The following AGBL4 variants were observed in gnomAD, a reference collection of about 807,000 sequenced individuals.
The protein encoded by AGBL4 is cytosolic carboxypeptidase 6.
Under a neutral mutation model 66.4 loss-of-function variants are expected in AGBL4, and 58 were observed. The ratio of observed to expected loss-of-function variants is 0.87; its 90% CI spans 0.71 to 1.09. The LOEUF is 1.09. Ranked by LOEUF, AGBL4 falls within the 50% of genes least tolerant of loss-of-function variation. The pLI, the probability that AGBL4 is intolerant of heterozygous loss-of-function variation, is 0.00. For missense variants in AGBL4, 579 were observed against 631.0 expected (o/e 0.92, Z 0.88); for synonymous variants, 234 against 222.9 (o/e 1.05, Z -0.44).
chr1:49,383,527 CA>C (rs1480380212), intron 3 of AGBL4, among the ~76,000 whole-genome samples: 1 of 152,006 alleles, frequency 6.6e-6, no homozygotes, highest in African/African-American at 2.4e-5. Context: ...ACATGAGTGT[CA>C]AGGCTGCACA....
chr1:48,785,725 C>T (rs114859124), intron 6 of AGBL4, among the ~76,000 whole-genome samples: 3,475 of 152,208 alleles, frequency 0.023, 69 homozygotes, highest in South Asian at 0.04. Flanking sequence ...CTGGGCCTTC[C>T]GGGAAACAAG....
At chr1:49,125,650 A>C (rs1297249992) in intron 4 of AGBL4, among the ~76,000 whole-genome samples, 1 of 152,206 alleles carries the variant, frequency 6.6e-6, no homozygotes, top group African/African-American at 2.4e-5. Context: ...CTGATTGTAC[A>C]TTATAGATTA....
At position 48,837,672 on chromosome 1, in the gene AGBL4, A is replaced by ACACACACACACACG. The variant is rs1313861474; in HGVS notation, c.634+29518_634+29519insCGTGTGTGTGTGTG. Among the ~76,000 whole-genome samples, 186 of 139,170 alleles carry ACACACACACACACG rather than the reference A, an allele frequency of 1.3e-3. 2 individuals are homozygous for ACACACACACACACG. Among genetic ancestry groups the ACACACACACACACG allele is most frequent in the African/African-American group, 4.7e-3 (178 of 37,764 alleles). 91.3% of individuals were successfully genotyped at this position (139,170 alleles called of 152,430 possible). On this transcript the variant is annotated intron_variant, in intron 6 of 13. Coordinates refer to ENST00000371839, the MANE Select transcript of AGBL4 (RefSeq NM_032785.4). ...TTAATATTACTTAATGAACACACAC[A>ACACACACACACACG]CACACACACACACACGCACACACAC...
chr1:49,506,545 C>G (rs1340131611), intron 3 of AGBL4, among the ~76,000 whole-genome samples: 1 of 151,930 alleles, frequency 6.6e-6, no homozygotes, highest in African/African-American at 2.4e-5. Flanking sequence ...TGAATATGCT[C>G]TTTTTGCCTA....
chr1:49,734,666 G>A (rs2124724789), intron 2 of AGBL4, among the ~76,000 whole-genome samples: 1 of 152,168 alleles, frequency 6.6e-6, no homozygotes, highest in South Asian at 2.1e-4. Context: ...TGAAGAACCA[G>A]TATAGTCTCA....
intron 5 of AGBL4, among the ~76,000 whole-genome samples, chr1:48,897,527 T>C (rs866953453): frequency 4.6e-5 from 7 of 152,240 alleles, no homozygotes; most frequent in Admixed American, 3.9e-4. Context: ...ATGTTAATTC[T>C]ATTTTTAGTT....
At chr1:48,905,856 C>T (rs1156918847) in intron 5 of AGBL4, among the ~76,000 whole-genome samples, 1 of 152,172 alleles carries the variant, frequency 6.6e-6, no homozygotes, top group Non-Finnish European at 1.5e-5. Flanking sequence ...ACTGACAATG[C>T]CTAGTAGTAT....
intron 2 of AGBL4, among the ~76,000 whole-genome samples, chr1:49,799,337 G>A (rs926462760): frequency 1.3e-5 from 2 of 152,028 alleles, no homozygotes; most frequent in Non-Finnish European, 2.9e-5. Context: ...TCCAAAATAC[G>A]TAAATTTCAG....
intron 4 of AGBL4, among the ~76,000 whole-genome samples, chr1:49,160,244 T>C (rs758716399): frequency 1.6e-4 from 24 of 152,110 alleles, no homozygotes; most frequent in Non-Finnish European, 3.2e-4. Flanking sequence ...TTGGATGGGG[T>C]CGATTGGACG....
At chr1:49,497,165 A>AT (rs1647672304) in intron 3 of AGBL4, among the ~76,000 whole-genome samples, 1 of 151,908 alleles carries the variant, frequency 6.6e-6, no homozygotes, top group African/African-American at 2.4e-5. Flanking sequence ...GGCCATTTGT[A>AT]TGTCTTCTTT....
At chr1:48,652,314 G>A (rs1476316345) in intron 8 of AGBL4, among the ~76,000 whole-genome samples, 1 of 152,224 alleles carries the variant, frequency 6.6e-6, no homozygotes, top group Non-Finnish European at 1.5e-5. Flanking sequence ...CCAGAATAAG[G>A]AACATGAACT....
chr1:49,977,066 CT>C (rs1306347985), intron 1 of AGBL4, among the ~76,000 whole-genome samples: 2 of 152,202 alleles, frequency 1.3e-5, no homozygotes, highest in African/African-American at 4.8e-5. Context: ...TAATTCTTGT[CT>C]CTTTAATAGT....
intron 3 of AGBL4, among the ~76,000 whole-genome samples, chr1:49,529,117 A>T (rs1434147435): frequency 1.3e-5 from 2 of 152,082 alleles, no homozygotes; most frequent in Non-Finnish European, 2.9e-5. Context: ...TAATCAGGAG[A>T]GAGAACCATA....
chr1:49,562,404 A>G (rs745970101), intron 3 of AGBL4, among the ~76,000 whole-genome samples: 93 of 152,226 alleles, frequency 6.1e-4, no homozygotes, highest in Middle Eastern at 3.4e-3. Flanking sequence ...CCTGAATGGT[A>G]TTGCCTAGGT....
rs549328834 is a variant in AGBL4, at chr1:48,709,209, C to T, written c.635-45968G>A. On this transcript the variant is annotated intron_variant, in intron 6 of 13. Coordinates refer to ENST00000371839, the MANE Select transcript of AGBL4 (RefSeq NM_032785.4). Reference sequence around the variant, plus strand: ...CACTTCACCTCCGCCTTTCCTTTCACGAAGTTCAACGAAATGCCTATTCTT... The same window carrying T: ...CACTTCACCTCCGCCTTTCCTTTCATGAAGTTCAACGAAATGCCTATTCTT... Among the ~76,000 whole-genome samples the T allele has an allele frequency of 1.2e-4, 18 of 152,314 alleles. No individual in the cohort carries two copies. In the South Asian group the frequency reaches 3.5e-3, roughly 30 times the overall value.
intron 5 of AGBL4, among the ~76,000 whole-genome samples, chr1:48,913,313 A>T (rs758489358): frequency 5.3e-5 from 8 of 152,154 alleles, no homozygotes; most frequent in Non-Finnish European, 1.0e-4. Context: ...GCTGTTGAGG[A>T]TGGGGGAGTG....
chr1:49,113,612 T>C (rs780678072), intron 4 of AGBL4, among the ~76,000 whole-genome samples: 50 of 152,228 alleles, frequency 3.3e-4, no homozygotes, highest in African/African-American at 9.9e-4. Context: ...TTCAGTTTAC[T>C]TTACCTAGAC....
chr1:50,001,218 A>C (rs1306804593), intron 1 of AGBL4, among the ~76,000 whole-genome samples: 1 of 150,874 alleles, frequency 6.6e-6, no homozygotes, highest in Non-Finnish European at 1.5e-5. Context: ...ATTTCAATAT[A>C]TCTCTCTAAA....
At position 49,332,393 on chromosome 1, in the gene AGBL4, G is replaced by A. The variant is rs1274001670; in HGVS notation, c.283-86529C>T. On this transcript the variant is annotated intron_variant, in intron 3 of 13. Transcript: ENST00000371839. ...AAACACCAGGCCAGATTATTTCATAGGTGAGTTATAACCAATTTTCAAGGA... is the reference window on the plus strand; with the variant it reads ...AAACACCAGGCCAGATTATTTCATAAGTGAGTTATAACCAATTTTCAAGGA... Among the ~76,000 whole-genome samples the A allele has an allele frequency of 2.0e-5, 3 of 152,286 alleles. No individual in the cohort carries two copies. The East Asian group carries it at 5.8e-4, about 29-fold the overall frequency.
Sources: gnomAD v4.1 joint callset for allele counts (sites outside exome capture counted in the v4.1 genomes callset) on GRCh38, gnomAD v4.1.1 for gene constraint, MANE v1.5 for transcripts, NCBI Gene and HGNC (gene_info 2026-07-23, HGNC 2026-07-21) for gene names.